The following CPNE4 variants were observed in gnomAD, a reference collection of about 807,000 sequenced individuals.
CPNE4 encodes copine-4.
CPNE4 carries 25 observed loss-of-function variants against 67.9 expected under a neutral mutation model. The observed-to-expected ratio is 0.37, with a 90% CI of 0.27 to 0.51. The LOEUF (loss-of-function observed/expected upper bound fraction) is 0.51. Among genes scored for constraint, CPNE4 ranks in the 20% least tolerant of loss-of-function variants. CPNE4 has a pLI of 0.93. For missense variants in CPNE4, 464 were observed against 690.8 expected, an observed-to-expected ratio of 0.67 and a Z score of 3.68; for synonymous variants, 242 against 244.9, an observed-to-expected ratio of 0.99 and a Z score of 0.11.
intron 7 of CPNE4, among the ~76,000 whole-genome samples, chr3:131,596,621 C>CAGAAAA (rs1491443015): frequency 5.5e-4 from 18 of 32,978 alleles, no homozygotes; most frequent in Admixed American, 1.7e-3. Context: ...GACTCCGTCT[C>CAGAAAA]AAAAAAAAAA....
intron 15 of CPNE4, among the ~76,000 whole-genome samples, chr3:131,539,979 C>T (rs960546563): frequency 6.6e-6 from 1 of 152,174 alleles, no homozygotes; most frequent in Non-Finnish European, 1.5e-5. Flanking sequence ...AAGAATACTA[C>T]TTCTTTTTGA....
chr3:131,844,936 C>G (rs2085940785), intron 2 of CPNE4, among the ~76,000 whole-genome samples: 1 of 152,214 alleles, frequency 6.6e-6, no homozygotes, highest in East Asian at 1.9e-4. Flanking sequence ...AGTGCAATTA[C>G]TATGAGCTAT....
At chr3:131,911,635 G>A (rs1192566151) in intron 1 of CPNE4, among the ~76,000 whole-genome samples, 1 of 151,036 alleles carries the variant, frequency 6.6e-6, no homozygotes, top group Non-Finnish European at 1.5e-5. Context: ...TGGATCCCCA[G>A]TAGTGCTCAT....
intron 2 of CPNE4, among the ~76,000 whole-genome samples, chr3:131,827,482 C>A (rs1472557453): frequency 1.3e-5 from 2 of 152,010 alleles, no homozygotes; most frequent in African/African-American, 2.4e-5. Context: ...CAGCAACGGA[C>A]AAATAAGATA....
intron 2 of CPNE4, among the ~76,000 whole-genome samples, chr3:131,903,861 CCAT>C (rs2088644437): frequency 6.6e-6 from 1 of 152,094 alleles, no homozygotes; most frequent in Non-Finnish European, 1.5e-5. Context: ...CCAGGTACCA[CCAT>C]TAGTCAGAGA....
chr3:131,767,984 CAT>C (rs758716373), intron 2 of CPNE4, among the ~76,000 whole-genome samples: 1 of 151,962 alleles, frequency 6.6e-6, no homozygotes, highest in Non-Finnish European at 1.5e-5. Flanking sequence ...TTAAGAGTAA[CAT>C]AGAGATTATA....
intron 2 of CPNE4, among the ~76,000 whole-genome samples, chr3:131,776,217 A>G (rs758486256): frequency 2.9e-5 from 4 of 135,908 alleles, no homozygotes; most frequent in Non-Finnish European, 6.8e-5. Flanking sequence ...TGGTGGTGGT[A>G]TATCACCTAT....
chr3:131,849,975 T>G (rs918890213), intron 2 of CPNE4, among the ~76,000 whole-genome samples: 12 of 152,140 alleles, frequency 7.9e-5, no homozygotes, highest in Non-Finnish European at 1.8e-4. Context: ...AGTATCATAT[T>G]CTTGGTCTGT....
intron 2 of CPNE4, among the ~76,000 whole-genome samples, chr3:131,791,127 ATTAC>A (rs1350515096): frequency 6.6e-6 from 1 of 152,164 alleles, no homozygotes; most frequent in African/African-American, 2.4e-5. Context: ...TCCTCCCACA[ATTAC>A]TTAATGTATC....
chr3:131,869,922 A>G (rs184943950), intron 2 of CPNE4, among the ~76,000 whole-genome samples: 22 of 152,336 alleles, frequency 1.4e-4, no homozygotes, highest in African/African-American at 5.3e-4. Context: ...AGGTGAATAC[A>G]GATAATTAAT....
chr3:131,789,452 G>T (rs1240569490), intron 2 of CPNE4, among the ~76,000 whole-genome samples: 5 of 152,136 alleles, frequency 3.3e-5, no homozygotes, highest in Non-Finnish European at 7.4e-5. Context: ...TCAAATTTTA[G>T]CTCTGCTACC....
At chr3:131,973,153 G>T (rs377479789) in intron 1 of CPNE4, among the ~76,000 whole-genome samples, 1 of 152,018 alleles carries the variant, frequency 6.6e-6, no homozygotes, top group Non-Finnish European at 1.5e-5. Flanking sequence ...TTTGTACAAC[G>T]GATCTGTGGT....
rs184436124 is a variant in CPNE4, at chr3:131,853,545, A to C, written c.180+51719T>G. ...TTGGGTAAGATACAACATGCAATAA[A>C]CATAAAAGAAAAAAATAATATATTG... On this transcript the variant is annotated intron_variant, in intron 2 of 15. Coordinates refer to ENST00000429747, the MANE Select transcript of CPNE4 (RefSeq NM_130808.3). Among the ~76,000 whole-genome samples, 168 of 151,966 alleles carry C rather than the reference A, an allele frequency of 1.1e-3. 1 individual carries two copies. The highest frequency in any genetic ancestry group is 0.01 in the Admixed American group (158 of 15,240).
chr3:131,741,740 T>C (rs2082362107), intron 2 of CPNE4, among the ~76,000 whole-genome samples: 1 of 152,124 alleles, frequency 6.6e-6, no homozygotes, highest in South Asian at 2.1e-4. Context: ...CAGTTGAGGC[T>C]CTTCTCTCAT....
chr3:131,762,399 C>CA (rs1378784203), intron 2 of CPNE4, among the ~76,000 whole-genome samples: 1 of 152,074 alleles, frequency 6.6e-6, no homozygotes, highest in Non-Finnish European at 1.5e-5. Flanking sequence ...CCCTAGAATG[C>CA]AGGTAGTTTT....
At chr3:131,561,601 A>G (rs1342593374) in intron 11 of CPNE4, among the ~76,000 whole-genome samples, 1 of 152,002 alleles carries the variant, frequency 6.6e-6, no homozygotes, top group Non-Finnish European at 1.5e-5. Context: ...GGTAGCAATG[A>G]CTGTACAAGG....
intron 2 of CPNE4, among the ~76,000 whole-genome samples, chr3:131,774,217 A>G (rs754448134): frequency 2.6e-5 from 4 of 151,926 alleles, no homozygotes; most frequent in Non-Finnish European, 5.9e-5. Context: ...AAAACCCCAA[A>G]TGGCCTTTTG....
intron 11 of CPNE4, among the ~76,000 whole-genome samples, chr3:131,560,504 C>T (rs1936704191): frequency 6.6e-6 from 1 of 152,084 alleles, no homozygotes; most frequent in African/African-American, 2.4e-5. Context: ...TCCTTGACCA[C>T]CCCTCTTCCC....
At chr3:131,549,614 A>C (rs1257854438) in intron 14 of CPNE4, among the ~76,000 whole-genome samples, 1 of 152,124 alleles carries the variant, frequency 6.6e-6, no homozygotes, top group East Asian at 1.9e-4. Flanking sequence ...GCTTATTTTT[A>C]AACCTTTCTT....
Sources: gnomAD v4.1 joint callset for allele counts (sites outside exome capture counted in the v4.1 genomes callset) on GRCh38, gnomAD v4.1.1 for gene constraint, MANE v1.5 for transcripts, NCBI Gene and HGNC (gene_info 2026-07-23, HGNC 2026-07-21) for gene names.